Variants in RB1CC1 observed in about 807,000 individuals in gnomAD.
RB1CC1 encodes RB1 inducible coiled-coil 1.
A neutral mutation model predicts 177.5 loss-of-function variants in RB1CC1; 46 were observed. That is an observed-to-expected ratio of 0.26 (90% CI 0.20 to 0.33). The LOEUF (loss-of-function observed/expected upper bound fraction) is 0.33. Ranked by LOEUF, RB1CC1 falls within the 10% of genes least tolerant of loss-of-function variation. RB1CC1 has a pLI of 1.00. For missense variants in RB1CC1, 1,703 were observed against 1,816.3 expected, an observed-to-expected ratio of 0.94 and a Z score of 1.13; for synonymous variants, 666 against 613.6, an observed-to-expected ratio of 1.09 and a Z score of -1.26.
chr8:52,632,309 G>A (rs1848819673), intron 20 of RB1CC1, among the ~76,000 whole-genome samples: 1 of 152,172 alleles, frequency 6.6e-6, no homozygotes, highest in Non-Finnish European at 1.5e-5. Flanking sequence ...TGTTTATTAA[G>A]TCAAATTTTG....
chr8:52,707,177 A>G (rs868590710), intron 1 of RB1CC1, among the ~76,000 whole-genome samples: 6 of 152,326 alleles, frequency 3.9e-5, no homozygotes, highest in Middle Eastern at 3.4e-3. Context: ...GAAGTTATGT[A>G]AACCATAAAG....
chr8:52,694,421 G>C (rs1855191046), intron 1 of RB1CC1, among the ~76,000 whole-genome samples: 1 of 152,104 alleles, frequency 6.6e-6, no homozygotes, highest in South Asian at 2.1e-4. Flanking sequence ...TGCCAACTGG[G>C]CACAAAACAT....
chr8:52,692,408 A>G (rs543308056), intron 1 of RB1CC1, among the ~76,000 whole-genome samples: 1 of 152,332 alleles, frequency 6.6e-6, no homozygotes, highest in South Asian at 2.1e-4. Flanking sequence ...TTTATTCTTT[A>G]GAGATAATGA....
chr8:52,642,927 G>T, intron 16 of RB1CC1, 115 bp from the exon 17 acceptor site: 2 of 1,113,092 alleles, frequency 1.8e-6, no homozygotes, highest in Non-Finnish European at 2.4e-6. Context: ...GAGATGATGG[G>T]GTATGATTCA....
At chr8:52,706,980 A>G (rs186814998) in intron 1 of RB1CC1, among the ~76,000 whole-genome samples, 14 of 152,260 alleles carry the variant, frequency 9.2e-5, no homozygotes, top group East Asian at 7.8e-4. Context: ...TTATGTAAAC[A>G]TAAGAGGGAG....
At chr8:52,710,459 A>T (rs1218820929) in intron 1 of RB1CC1, among the ~76,000 whole-genome samples, 1 of 152,174 alleles carries the variant, frequency 6.6e-6, no homozygotes, top group African/African-American at 2.4e-5. Context: ...TTTTTTCCCT[A>T]GGTGTACAGG....
At chr8:52,655,958 G>C (rs755940461) in intron 15 of RB1CC1, 50 bp downstream of exon 15, 3 of 1,366,544 alleles carry the variant, frequency 2.2e-6, no homozygotes, top group African/African-American at 2.9e-5. Context: ...ACACACAAAC[G>C]AATCACTGAT....
At chr8:52,655,963 ACT>A (rs753192512) in intron 15 of RB1CC1, 43 bp downstream of exon 15, 35 of 1,401,560 alleles carry the variant, frequency 2.5e-5, no homozygotes, top group Non-Finnish European at 3.2e-5. Flanking sequence ...CAAACGAATC[ACT>A]GATATTTTAA....
chr8:52,645,858 A>G lies in RB1CC1; in HGVS notation c.3831T>C (p.Ile1277=), dbSNP rs201721938. The change falls in exon 16 of 24, where the codon ATT becomes ATC. Residue 1277 remains isoleucine, a synonymous_variant. Coordinates refer to ENST00000025008, the MANE Select transcript of RB1CC1 (RefSeq NM_014781.5). ...LENQIAKSPA[I]DSTRGDSSSL... is the part of the protein sequence containing the mutation. The stretch of plus-strand genomic sequence containing the variant: ...TTGAAGAATCTCCTCTGGTAGAGTC[A>G]ATGGCAGGACTTACAAATTAAATAC... 2.8e-5 allele frequency: 44 copies of G among 1,594,560 alleles called. No individual in the cohort carries two copies. The highest frequency in any genetic ancestry group is 6.7e-5 in the East Asian group (3 of 44,470).
chr8:52,635,902 AAAGGCTTAATTT>A (rs1166515211), intron 19 of RB1CC1, 101 bp downstream of exon 19: 1 of 1,317,596 alleles, frequency 7.6e-7, no homozygotes, highest in Non-Finnish European at 1.0e-6. Context: ...TTAATCATAA[AAAGGCTTAATTT>A]ATAAACACAA....
At chr8:52,637,962 C>A (rs368914353) in intron 18 of RB1CC1, among the ~76,000 whole-genome samples, 2 of 152,142 alleles carry the variant, frequency 1.3e-5, no homozygotes, top group African/African-American at 4.8e-5. Context: ...TGAGCCACTG[C>A]GCCTGGCCAA....
rs768509093 is a variant in RB1CC1, at chr8:52,661,215, G to A, written c.1425C>T (p.Leu475=). 19 of 1,613,668 alleles carry A rather than the reference G, an allele frequency of 1.2e-5. No individual in the cohort carries two copies. The highest frequency in any genetic ancestry group is 6.7e-5 in the African/African-American group (5 of 74,866). ...TGACTCTTTCTAACAGCTCTATTAC[G>A]AGGCGGAGCAAAGCTTGTAACTTCT... ...DGEKLQALLR[L]VIELLERVKI... is the part of the protein sequence containing the mutation. Residue 475 remains leucine (L), a synonymous_variant, in exon 10 of 24, where the codon CTC becomes CTT. Coordinates refer to ENST00000025008, the MANE Select transcript of RB1CC1 (RefSeq NM_014781.5).
At chr8:52,652,205 C>T (rs1269732091) in intron 15 of RB1CC1, among the ~76,000 whole-genome samples, 1 of 152,010 alleles carries the variant, frequency 6.6e-6, no homozygotes, top group Admixed American at 6.6e-5. Flanking sequence ...TGGTGGCTCA[C>T]GCCTGTAATC....
Position 52,657,868 on chromosome 8 carries a change from G to C in RB1CC1, c.1961C>G (p.Pro654Arg), listed in dbSNP as rs780863338. The C allele has an allele frequency of 1.9e-6, 3 of 1,613,700 alleles. No homozygotes were observed. Among genetic ancestry groups the C allele is most frequent in the East Asian group, 4.5e-5 (2 of 44,842 alleles). ...AATTCCTGCTGTACTTTCCATCCTTGGTGAAGAAGCAGACTGTGGGGATGT... is the reference window on the plus strand; with the variant it reads ...AATTCCTGCTGTACTTTCCATCCTTCGTGAAGAAGCAGACTGTGGGGATGT... Reference protein sequence around the residue: ...SQTSPQSASSPRMESTAGITT... With the variant: ...SQTSPQSASSRRMESTAGITT... Residue 654 changes from proline to arginine, a missense_variant, in exon 15 of 24, where the codon CCA becomes CGA. Around this residue, in one of 6 missense-constraint regions of RB1CC1, gnomAD observed 1,169 missense variants for 1,184.7 expected, o/e 0.99. Coordinates refer to ENST00000025008, the MANE Select transcript of RB1CC1 (RefSeq NM_014781.5).
At chr8:52,664,639 T>C (rs752436389) in intron 8 of RB1CC1, among the ~76,000 whole-genome samples, 2 of 152,138 alleles carry the variant, frequency 1.3e-5, no homozygotes, top group East Asian at 3.9e-4. Context: ...AGGAACAGCA[T>C]AAGAAATTTT....
intron 20 of RB1CC1, among the ~76,000 whole-genome samples, chr8:52,633,982 C>T (rs796246453): frequency 2.5e-4 from 38 of 152,198 alleles, no homozygotes; most frequent in African/African-American, 8.7e-4. Flanking sequence ...CTGGGTGCAG[C>T]GGCACTCGCC....
intron 8 of RB1CC1, among the ~76,000 whole-genome samples, chr8:52,665,237 G>A (rs1034837952): frequency 6.6e-6 from 1 of 152,092 alleles, no homozygotes; most frequent in African/African-American, 2.4e-5. Flanking sequence ...GAACTATCTA[G>A]ACAATATATG....
At position 52,658,069 on chromosome 8, in the gene RB1CC1, T is replaced by G. The variant is rs768911456; in HGVS notation, c.1849A>C (p.Asn617His). 3 of 1,614,050 alleles carry G rather than the reference T, an allele frequency of 1.9e-6. No individual in the cohort carries two copies. Among genetic ancestry groups the G allele is most frequent in the South Asian group, 1.1e-5 (1 of 91,080 alleles). The stretch of plus-strand genomic sequence containing the variant: ...AAACTTTGTGCTGCTTTTACCAAAT[T>G]ATGTAGAGCAAGTACATGCTGGTGT... ...PLHQHVLALH[N>H]LVKAAQSLDE... is the part of the protein sequence containing the mutation. Residue 617 changes from asparagine to histidine, a missense_variant, in exon 14 of 24, where the codon AAT (asparagine) becomes CAT (histidine). Physicochemically the swap from Asn to His is moderately conservative, Grantham distance 68. Around this residue, in one of 6 missense-constraint regions of RB1CC1, gnomAD observed 1,169 missense variants for 1,184.7 expected, o/e 0.99. Transcript: ENST00000025008.
At chr8:52,677,665 G>A (rs1303547295) in intron 5 of RB1CC1, among the ~76,000 whole-genome samples, 1 of 152,176 alleles carries the variant, frequency 6.6e-6, no homozygotes, top group Admixed American at 6.5e-5. Flanking sequence ...AAAAGCTACT[G>A]TAAGTTATCT....
Sources: allele counts gnomAD v4.1 joint callset (sites outside exome capture counted in the v4.1 genomes callset), GRCh38; gene constraint gnomAD v4.1.1; regional missense constraint gnomAD v4.1.1; transcripts MANE v1.5; gene names NCBI Gene and HGNC (gene_info 2026-07-23, HGNC 2026-07-21).